Variants in TOM1L2 observed in about 807,000 individuals in gnomAD.
TOM1L2 encodes the protein target of myb1 like 2 membrane trafficking protein.
A neutral mutation model predicts 67.9 loss-of-function variants in TOM1L2; 31 were observed. The ratio of observed to expected loss-of-function variants is 0.46; its 90% CI spans 0.34 to 0.62. The LOEUF (loss-of-function observed/expected upper bound fraction) is 0.62, where lower values mean the gene tolerates loss of function less well. Among genes scored for constraint, TOM1L2 ranks in the 20% least tolerant of loss-of-function variants. The probability of loss-of-function intolerance (pLI) is 0.01; values close to 1 mark genes in which losing one functional copy is unlikely to be tolerated. For missense variants in TOM1L2, 606 were observed against 663.5 expected (o/e 0.91, Z 0.95); for synonymous variants, 256 against 254.0 (o/e 1.01, Z -0.07).
intron 4 of TOM1L2, among the ~76,000 whole-genome samples, chr17:17,886,130 C>A (rs2037986323): frequency 6.6e-6 from 1 of 152,140 alleles, no homozygotes; most frequent in Non-Finnish European, 1.5e-5. Flanking sequence ...GTCTCCCTCA[C>A]TCCAGCAATG....
intron 3 of TOM1L2, among the ~76,000 whole-genome samples, chr17:17,897,290 C>T (rs2038625245): frequency 6.6e-6 from 1 of 152,156 alleles, no homozygotes; most frequent in African/African-American, 2.4e-5. Context: ...AAAATAAAAG[C>T]TTCAACTCCC....
chr17:17,971,183 G>A (rs2145118637), intron 1 of TOM1L2, among the ~76,000 whole-genome samples: 1 of 152,258 alleles, frequency 6.6e-6, no homozygotes, highest in South Asian at 2.1e-4. Context: ...TTAATATGAG[G>A]TGGGGGAGGA....
intron 1 of TOM1L2, among the ~76,000 whole-genome samples, chr17:17,922,186 C>T (rs1416422126): frequency 1.3e-5 from 2 of 152,174 alleles, no homozygotes; most frequent in Admixed American, 6.5e-5. Context: ...TGAGGCTGAA[C>T]AGGGGAGCAG....
At chr17:17,904,674 A>C (rs1333487993) in intron 2 of TOM1L2, among the ~76,000 whole-genome samples, 1 of 152,214 alleles carries the variant, frequency 6.6e-6, no homozygotes, top group Non-Finnish European at 1.5e-5. Flanking sequence ...GGTAAAGTGC[A>C]GACACCAGAG....
At chr17:17,971,739 T>C (rs528748348) in intron 1 of TOM1L2, among the ~76,000 whole-genome samples, 1 of 152,334 alleles carries the variant, frequency 6.6e-6, no homozygotes, top group South Asian at 2.1e-4. Flanking sequence ...AGACCAGCAG[T>C]TGGCACCACC....
chr17:17,879,839 C>G (rs1361022792), intron 6 of TOM1L2, 96 bp from the exon 7 acceptor site: 3 of 1,052,802 alleles, frequency 2.8e-6, no homozygotes, highest in Non-Finnish European at 4.4e-6. Context: ...TAGTGACAAT[C>G]CTTCTCACTG....
At chr17:17,966,990 C>T (rs1419395630) in intron 1 of TOM1L2, among the ~76,000 whole-genome samples, 1 of 152,188 alleles carries the variant, frequency 6.6e-6, no homozygotes. Flanking sequence ...TCTCAGCTTG[C>T]AGATGGCCTA....
At chr17:17,864,659 A>C (rs894815031) in intron 10 of TOM1L2, among the ~76,000 whole-genome samples, 3 of 152,070 alleles carry the variant, frequency 2.0e-5, no homozygotes, top group East Asian at 1.9e-4. Context: ...TTACAGGCAC[A>C]CACCACCATG....
intron 1 of TOM1L2, among the ~76,000 whole-genome samples, chr17:17,927,521 A>C (rs2040144406): frequency 6.6e-6 from 1 of 152,236 alleles, no homozygotes; most frequent in Non-Finnish European, 1.5e-5. Context: ...AACATGGTGG[A>C]GCAAATAAAC....
intron 3 of TOM1L2, among the ~76,000 whole-genome samples, chr17:17,894,938 TACA>T (rs1268658611): frequency 9.2e-6 from 1 of 108,630 alleles, no homozygotes; most frequent in Non-Finnish European, 1.8e-5. Flanking sequence ...CTCAAAAACA[TACA>T]TACATACATA....
At chr17:17,925,734 A>T (rs1462527323) in intron 1 of TOM1L2, among the ~76,000 whole-genome samples, 2 of 150,960 alleles carry the variant, frequency 1.3e-5, no homozygotes, top group African/African-American at 2.4e-5. Context: ...GCATGCCTAT[A>T]GTCCCAGCTA....
rs2038703765 is a variant in TOM1L2 at position 17,898,728 on chromosome 17, A to G, written c.138-54T>C. 2.5e-6 allele frequency: 4 copies of G among 1,572,300 alleles called. No individual in the cohort carries two copies. In the African/African-American group the frequency reaches 5.4e-5, roughly 21 times the overall value. On this transcript the variant is annotated intron_variant, in intron 2 of 14. Coordinates refer to ENST00000379504, the MANE Select transcript of TOM1L2 (RefSeq NM_001082968.2). Reference sequence around the variant, plus strand: ...ACTTACAATCCCACTTGAGGACACGATCCTACAGATATGTGAACTAGTATA... The same window carrying G: ...ACTTACAATCCCACTTGAGGACACGGTCCTACAGATATGTGAACTAGTATA...
At chr17:17,851,057 C>CA in intron 12 of TOM1L2, 105 bp from the exon 13 acceptor site, 1 of 1,278,174 alleles carries the variant, frequency 7.8e-7, no homozygotes, top group Non-Finnish European at 1.1e-6. Context: ...CAAATAAAAC[C>CA]AAAATGTACA....
In TOM1L2 at chr17:17,879,749, G is replaced by A. The variant is rs1290157435; in HGVS notation, c.661-6C>T. ...TCACTCCGCAGCCTGGCAATCTGGTGGGGGCCACGAGGAAGGAAAGCAGGA... is the reference window on the plus strand; with the variant it reads ...TCACTCCGCAGCCTGGCAATCTGGTAGGGGCCACGAGGAAGGAAAGCAGGA... On this transcript the variant is annotated splice_region_variant and splice_polypyrimidine_tract_variant and intron_variant, in intron 6 of 14. Coordinates refer to ENST00000379504, the MANE Select transcript of TOM1L2 (RefSeq NM_001082968.2). 17 of 1,612,154 alleles carry A rather than the reference G, an allele frequency of 1.1e-5. No homozygotes were observed. Among genetic ancestry groups the A allele is most frequent in the Non-Finnish European group, 1.4e-5 (17 of 1,178,134 alleles).
At chr17:17,854,691 ATT>A (rs879696462) in intron 12 of TOM1L2, among the ~76,000 whole-genome samples, 8 of 142,428 alleles carry the variant, frequency 5.6e-5, no homozygotes, top group Admixed American at 7.0e-5. Context: ...CACCTGCCTA[ATT>A]TTTTTTTTTT....
chr17:17,918,516 T>C (rs575299940), intron 1 of TOM1L2, among the ~76,000 whole-genome samples: 5 of 152,314 alleles, frequency 3.3e-5, no homozygotes, highest in Admixed American at 6.5e-5. Context: ...TTTGAGTCCT[T>C]ATTCCATAAA....
At chr17:17,905,698 C>T (rs1437302762) in intron 2 of TOM1L2, among the ~76,000 whole-genome samples, 1 of 152,132 alleles carries the variant, frequency 6.6e-6, no homozygotes, top group African/African-American at 2.4e-5. Flanking sequence ...GCCACTATGC[C>T]AGGCCATCGC....
At chr17:17,906,851 G>C (rs1264223970) in intron 2 of TOM1L2, among the ~76,000 whole-genome samples, 3 of 152,240 alleles carry the variant, frequency 2.0e-5, no homozygotes, top group Non-Finnish European at 4.4e-5. Flanking sequence ...GGTATGGACA[G>C]AGGGCTAAAT....
At chr17:17,970,254 C>T (rs923340856) in intron 1 of TOM1L2, among the ~76,000 whole-genome samples, 5 of 151,598 alleles carry the variant, frequency 3.3e-5, no homozygotes, top group Admixed American at 1.3e-4. Context: ...TTAGTAGAGA[C>T]GGGGTTTCAC....
Sources: allele counts gnomAD v4.1 joint callset (sites outside exome capture counted in the v4.1 genomes callset), GRCh38; gene constraint gnomAD v4.1.1; transcripts MANE v1.5; gene names NCBI Gene and HGNC (gene_info 2026-07-23, HGNC 2026-07-21).